The following ENTPD1 variants were observed in gnomAD, a reference collection of about 807,000 sequenced individuals.
The protein encoded by ENTPD1 is ectonucleoside triphosphate diphosphohydrolase 1, also known as ATP diphosphohydrolase.
In ENTPD1, 33 loss-of-function variants were observed where a neutral mutation model predicts 57.0. The observed-to-expected ratio is 0.58, with a 90% CI of 0.44 to 0.77. ENTPD1 has a LOEUF of 0.77. Ranked by LOEUF, ENTPD1 falls within the 30% of genes least tolerant of loss-of-function variation. ENTPD1 has a pLI of 0.00. For missense variants in ENTPD1, 501 were observed against 603.4 expected (o/e 0.83, Z 1.78); for synonymous variants, 202 against 218.8 (o/e 0.92, Z 0.68).
the ENTPD1 span, among the ~76,000 whole-genome samples, chr10:95,699,049 ACCTGTTAT>A: frequency 5.3e-5 from 8 of 152,292 alleles, no homozygotes; most frequent in East Asian, 9.6e-4. Context: ...AGTGGCTCAC[ACCTGTTAT>A]CCTAGCATTT....
chr10:95,872,625 G>T lies in ENTPD1; in HGVS notation c.*6242G>T. On this transcript the variant is annotated 3_prime_UTR_variant, in exon 10 of 10. Coordinates refer to ENST00000371205, the MANE Select transcript of ENTPD1 (RefSeq NM_001776.6). ...CAGTGTCTGGGTGAAGCTTCCTGGT[G>T]AAAAATATGTTACCTATTTCTTTCT... 2.0e-6 allele frequency: 2 copies of T among 985,318 alleles called. No individual in the cohort carries two copies. Among genetic ancestry groups the T allele is most frequent in the Non-Finnish European group, 2.4e-6 (2 of 829,922 alleles). The allele number at this position is 985,318 out of a possible 1,614,324, so 61.0% of individuals were successfully genotyped here. A position where few individuals can be genotyped will look rare whatever the true frequency, so the allele number is the denominator to read the frequency against.
At chr10:95,788,456 A>G (rs2098189494) in intron 1 of ENTPD1, among the ~76,000 whole-genome samples, 1 of 152,024 alleles carries the variant, frequency 6.6e-6, no homozygotes, top group South Asian at 2.1e-4. Context: ...ATCTCTACTA[A>G]AAATACAAAC....
At chr10:95,700,445 G>T in the ENTPD1 span, among the ~76,000 whole-genome samples, 1 of 152,182 alleles carries the variant, frequency 6.6e-6, no homozygotes, top group Non-Finnish European at 1.5e-5. Context: ...GAAGCAGGAG[G>T]ATCGCTTGAG....
At chr10:95,821,134 G>A (rs1313001816) in intron 1 of ENTPD1, among the ~76,000 whole-genome samples, 6 of 152,204 alleles carry the variant, frequency 3.9e-5, no homozygotes, top group Admixed American at 6.5e-5. Flanking sequence ...ACATCACAAC[G>A]TTGGGAACCA....
chr10:95,774,259 A>T (rs1481959398), intron 1 of ENTPD1, among the ~76,000 whole-genome samples: 3 of 151,928 alleles, frequency 2.0e-5, no homozygotes, highest in Non-Finnish European at 2.9e-5. Flanking sequence ...GATTGCAAAA[A>T]TTTTCTCCCA....
At chr10:95,702,561 A>G in the ENTPD1 span, among the ~76,000 whole-genome samples, 4 of 151,698 alleles carry the variant, frequency 2.6e-5, no homozygotes, top group Admixed American at 6.6e-5. Context: ...GAGAGAGATA[A>G]TGGGGTAGAC....
chr10:95,803,355 C>T (rs1197125907), intron 1 of ENTPD1, among the ~76,000 whole-genome samples: 1 of 152,224 alleles, frequency 6.6e-6, no homozygotes, highest in Non-Finnish European at 1.5e-5. Context: ...TTCTCCACAG[C>T]CTCGTCAGCA....
upstream of ENTPD1, among the ~76,000 whole-genome samples, chr10:95,751,587 C>T (rs1343673152): frequency 6.6e-6 from 1 of 152,026 alleles, no homozygotes; most frequent in Non-Finnish European, 1.5e-5. Flanking sequence ...TGGTGGTGTG[C>T]ACCTGCAATC....
rs188667268 is a variant in ENTPD1, at chr10:95,868,785, T to C, written c.*2402T>C. 4,531 of 985,384 alleles carry C rather than the reference T, an allele frequency of 4.6e-3. 11 individuals are homozygous for C. The highest frequency in any genetic ancestry group is 5.3e-3 in the South Asian group (113 of 21,286). 61.0% of individuals were successfully genotyped at this position (985,384 alleles called of 1,614,324 possible). A position where few individuals can be genotyped will look rare whatever the true frequency, so the allele number is the denominator to read the frequency against. On this transcript the variant is annotated 3_prime_UTR_variant, in exon 10 of 10. Coordinates refer to ENST00000371205, the MANE Select transcript of ENTPD1 (RefSeq NM_001776.6). The stretch of plus-strand genomic sequence containing the variant: ...TTGGAATTAGACTTCACAAGTCTCC[T>C]TCAGAGAACACAAATCTTTTCTTAT...
At chr10:95,793,345 A>G (rs1011298437) in intron 1 of ENTPD1, among the ~76,000 whole-genome samples, 1 of 152,216 alleles carries the variant, frequency 6.6e-6, no homozygotes, top group African/African-American at 2.4e-5. Flanking sequence ...GTTTATAAAA[A>G]ATAATGAAGG....
chr10:95,842,297 T>C lies in ENTPD1; in HGVS notation c.263-47T>C, dbSNP rs746309636. The stretch of plus-strand genomic sequence containing the variant: ...TGATCTACTATTGTCAAGGTATGTT[T>C]TATAATTTTTTTTTAAAAGATTGTT... On this transcript the variant is annotated intron_variant, in intron 3 of 9. Transcript: ENST00000371205. The C allele has an allele frequency of 1.3e-5, 20 of 1,546,498 alleles. 1 individual carries two copies. In the South Asian group the frequency reaches 2.1e-4, roughly 17 times the overall value.
At chr10:95,694,271 C>T in the ENTPD1 span, 9 of 286,212 alleles carry the variant, frequency 3.1e-5, no homozygotes, top group Non-Finnish European at 6.0e-5. Flanking sequence ...AAGGAAACCC[C>T]AGAGGCCGGA....
Position 95,788,641 on chromosome 10 carries a change from G to A in ENTPD1, c.16+32386G>A, listed in dbSNP as rs545419696. Reference sequence around the variant, plus strand: ...AAAAAAAAAGAAAAAAAAGAAAAAAGCGAGTCTAAAAAAGAAATAACTAAA... The same window carrying A: ...AAAAAAAAAGAAAAAAAAGAAAAAAACGAGTCTAAAAAAGAAATAACTAAA... On this transcript the variant is annotated intron_variant, in intron 1 of 9. Transcript: ENST00000371205. Among the ~76,000 whole-genome samples the A allele has an allele frequency of 1.3e-4, 19 of 151,548 alleles. 1 individual carries two copies. In the South Asian group the frequency reaches 3.1e-3, roughly 25 times the overall value.
intron 1 of ENTPD1, among the ~76,000 whole-genome samples, chr10:95,727,872 T>C (rs2097985345): frequency 6.6e-6 from 1 of 152,228 alleles, no homozygotes. Flanking sequence ...AAATCTAGAA[T>C]TTTTATATGT....
At chr10:95,708,756 G>A (rs1223369670), upstream of ENTPD1, among the ~76,000 whole-genome samples, 1 of 152,158 alleles carries the variant, frequency 6.6e-6, no homozygotes, top group Admixed American at 6.5e-5. Context: ...AGTACACAGA[G>A]CATACTATCA....
chr10:95,823,405 G>A, intron 2 of ENTPD1, 41 bp downstream of exon 2: 1 of 1,612,444 alleles, frequency 6.2e-7, no homozygotes, highest in Non-Finnish European at 8.5e-7. Context: ...TATGTAAGAG[G>A]AGATCTGGGT....
intron 1 of ENTPD1, among the ~76,000 whole-genome samples, chr10:95,799,920 T>C (rs1440987039): frequency 6.6e-6 from 1 of 152,218 alleles, no homozygotes. Flanking sequence ...GTTGGCCACA[T>C]GTATGCTTTA....
At chr10:95,789,381 C>T (rs572404053) in intron 1 of ENTPD1, among the ~76,000 whole-genome samples, 22 of 152,262 alleles carry the variant, frequency 1.4e-4, no homozygotes, top group Non-Finnish European at 2.6e-4. Context: ...AAAGAAAGCT[C>T]CAGTCACTTG....
At chr10:95,805,297 G>A (rs1006801990) in intron 1 of ENTPD1, among the ~76,000 whole-genome samples, 1 of 151,796 alleles carries the variant, frequency 6.6e-6, no homozygotes, top group Non-Finnish European at 1.5e-5. Flanking sequence ...TTTTACAAGA[G>A]ACTAGGATTG....
Sources: allele counts gnomAD v4.1 joint callset (sites outside exome capture counted in the v4.1 genomes callset), GRCh38; gene constraint gnomAD v4.1.1; transcripts MANE v1.5; gene names NCBI Gene and HGNC (gene_info 2026-07-23, HGNC 2026-07-21).